The following MYO5B variants were observed in gnomAD, a reference collection of about 807,000 sequenced individuals.
MYO5B encodes the protein unconventional myosin-Vb.
A neutral mutation model predicts 229.3 loss-of-function variants in MYO5B; 143 were observed. That is an observed-to-expected ratio of 0.62 (90% confidence interval 0.54 to 0.72). The LOEUF (loss-of-function observed/expected upper bound fraction) is 0.72. MYO5B is among the 30% of genes least tolerant of loss of function. The pLI is 0.00. For missense variants in MYO5B, 2,321 were observed against 2,331.0 expected (o/e 1.00, Z 0.09); for synonymous variants, 918 against 885.2 (o/e 1.04, Z -0.66).
chr18:50,150,326 TTACTGGGTATATACCCAA>T (rs1335817737), intron 1 of MYO5B, among the ~76,000 whole-genome samples: 1 of 145,830 alleles, frequency 6.9e-6, no homozygotes, highest in African/African-American at 2.5e-5. Flanking sequence ...AGCCATCCCA[TTACTGGGTATATACCCAA>T]AGGACTATAA....
At chr18:50,017,217 A>C (rs990281084) in intron 4 of MYO5B, among the ~76,000 whole-genome samples, 14 of 152,198 alleles carry the variant, frequency 9.2e-5, no homozygotes, top group African/African-American at 3.1e-4. Flanking sequence ...TCCTGGGCTC[A>C]AGTGATTCTC....
intron 1 of MYO5B, among the ~76,000 whole-genome samples, chr18:50,129,177 A>G (rs1467228082): frequency 2.0e-5 from 3 of 152,220 alleles, no homozygotes; most frequent in Non-Finnish European, 4.4e-5. Flanking sequence ...GGGCCCAAGC[A>G]GGACTGTGGA....
chr18:50,167,751 G>T (rs1352474325), intron 1 of MYO5B, among the ~76,000 whole-genome samples: 1 of 152,124 alleles, frequency 6.6e-6, no homozygotes, highest in Non-Finnish European at 1.5e-5. Context: ...ATAGGCAAGA[G>T]ATTATCTCCT....
At chr18:50,167,087 A>C (rs1030543321) in intron 1 of MYO5B, among the ~76,000 whole-genome samples, 2 of 152,236 alleles carry the variant, frequency 1.3e-5, no homozygotes, top group African/African-American at 4.8e-5. Context: ...TCTTTTCAGC[A>C]ACTGCCCCTC....
intron 2 of MYO5B, among the ~76,000 whole-genome samples, chr18:50,050,279 T>C (rs2144408968): frequency 6.6e-6 from 1 of 152,308 alleles, no homozygotes; most frequent in African/African-American, 2.4e-5. Context: ...CTCTTAGCTC[T>C]CTGGTTTTGC....
chr18:50,030,876 G>GAAAAAAAAAAAA (rs869189090), intron 4 of MYO5B, among the ~76,000 whole-genome samples: 6 of 30,500 alleles, frequency 2.0e-4, no homozygotes, highest in Non-Finnish European at 2.9e-4. Flanking sequence ...CTCCCTTTCA[G>GAAAAAAAAAAAA]AAAAAAAAAA....
At chr18:49,976,813 G>A (rs1431509391) in intron 9 of MYO5B, among the ~76,000 whole-genome samples, 3 of 151,996 alleles carry the variant, frequency 2.0e-5, no homozygotes, top group Non-Finnish European at 4.4e-5. Context: ...TGTCTCCCCT[G>A]CTCCCCGACT....
At chr18:50,099,734 T>A (rs533656151) in intron 1 of MYO5B, among the ~76,000 whole-genome samples, 1 of 152,196 alleles carries the variant, frequency 6.6e-6, no homozygotes, top group Non-Finnish European at 1.5e-5. Flanking sequence ...CATCTTTACA[T>A]GAATTTGCAG....
intron 4 of MYO5B, among the ~76,000 whole-genome samples, chr18:50,030,830 T>C (rs1193764909): frequency 7.1e-6 from 1 of 140,640 alleles, no homozygotes; most frequent in Non-Finnish European, 1.5e-5. Context: ...TTACCTTGGT[T>C]ACCTGAGCAA....
chr18:49,936,953 C>A (rs762964026), intron 15 of MYO5B, among the ~76,000 whole-genome samples: 5 of 152,282 alleles, frequency 3.3e-5, no homozygotes, highest in East Asian at 3.9e-4. Context: ...ATTCCAGGCC[C>A]TCTTGCCTCC....
At chr18:49,948,055 G>A (rs1018584033) in intron 14 of MYO5B, among the ~76,000 whole-genome samples, 1 of 114,800 alleles carries the variant, frequency 8.7e-6, no homozygotes, top group Non-Finnish European at 1.9e-5. Context: ...AAAACTTAAA[G>A]TATAATAATA....
At chr18:50,042,131 A>G (rs1215748535) in intron 2 of MYO5B, among the ~76,000 whole-genome samples, 1 of 152,204 alleles carries the variant, frequency 6.6e-6, no homozygotes, top group African/African-American at 2.4e-5. Context: ...TTATCTCTGG[A>G]GGGCAGCAGG....
In MYO5B at chr18:49,905,128, CTG is replaced by C. The variant is rs540273500; in HGVS notation, c.2415-302_2415-301del. On this transcript the variant is annotated intron_variant, in intron 19 of 39. Transcript: ENST00000285039. ...CTTATCTGAGCACTCTTCTACCTCA[CTG>C]TGCCTGGGCAGTCCTCAACTACTTC... Among the ~76,000 whole-genome samples the C allele has an allele frequency of 9.2e-5, 14 of 152,332 alleles. No individual in the cohort carries two copies. In the East Asian group the frequency reaches 2.7e-3, roughly 29 times the overall value.
intron 1 of MYO5B, among the ~76,000 whole-genome samples, chr18:50,169,167 G>T (rs74800701): frequency 0.11 from 13,426 of 125,694 alleles, 3,788 homozygotes; most frequent in African/African-American, 0.21. Flanking sequence ...AAAAAAGCTA[G>T]ATGTGGCAGC....
rs115138627 is a variant in MYO5B, at chr18:49,916,775, G to A, written c.2091-4602C>T. On this transcript the variant is annotated intron_variant, in intron 17 of 39. Coordinates refer to ENST00000285039, the MANE Select transcript of MYO5B (RefSeq NM_001080467.3). ...CTGGGAAAAGGGCTGTAAAGATGTCGCTCCCCGAAGGACCCAGCATCAAAT... is the reference window on the plus strand; with the variant it reads ...CTGGGAAAAGGGCTGTAAAGATGTCACTCCCCGAAGGACCCAGCATCAAAT... Among the ~76,000 whole-genome samples the A allele has an allele frequency of 3.4e-3, 518 of 152,202 alleles. 7 individuals are homozygous for A. The highest frequency in any genetic ancestry group is 0.011 in the African/African-American group (460 of 41,536).
intron 8 of MYO5B, among the ~76,000 whole-genome samples, chr18:49,984,049 T>C (rs2025844331): frequency 6.6e-6 from 1 of 152,194 alleles, no homozygotes; most frequent in Non-Finnish European, 1.5e-5. Flanking sequence ...CTTTCCTTTT[T>C]CTGGATGCAG....
intron 28 of MYO5B, 29 bp downstream of exon 28, chr18:49,864,112 A>G (rs764738053): frequency 1.9e-6 from 3 of 1,603,086 alleles, no homozygotes; most frequent in Non-Finnish European, 2.5e-6. Context: ...ACCCCTCGGC[A>G]GCCCCACCGC....
At position 49,902,689 on chromosome 18, in the gene MYO5B, G is replaced by A. The variant is rs1333441779; in HGVS notation, c.2716C>T (p.Leu906Phe). 3 of 1,612,558 alleles carry A rather than the reference G, an allele frequency of 1.9e-6. No homozygotes were observed. Among genetic ancestry groups the A allele is most frequent in the East Asian group, 4.5e-5 (2 of 44,892 alleles). ...TCTGCTGAGCGGGCCTCAATCCTGA[G>A]GGCCTTCAGCTCCCGCCTGGCCTTG... is the stretch of plus-strand genomic sequence containing the variant. ...MLKARRELKA[L>F]RIEARSAEHL... The change falls in exon 21 of 40, where the codon CTC (leucine) becomes TTC (phenylalanine). Residue 906 changes from leucine to phenylalanine, a missense_variant. Physicochemically the swap from Leu to Phe is conservative, Grantham distance 22. Around this residue, in one of 2 missense-constraint regions of MYO5B, gnomAD observed 2,113 missense variants for 2,044.7 expected, o/e 1.03. Transcript: ENST00000285039.
intron 2 of MYO5B, among the ~76,000 whole-genome samples, chr18:50,050,701 C>T (rs116827850): frequency 0.016 from 2,433 of 152,288 alleles, 63 homozygotes; most frequent in African/African-American, 0.055. Flanking sequence ...TCCTGTGATT[C>T]TGAAATAAGA....
Sources: gnomAD v4.1 joint callset for allele counts (sites outside exome capture counted in the v4.1 genomes callset) on GRCh38, gnomAD v4.1.1 for gene constraint, gnomAD v4.1.1 regional missense constraint, MANE v1.5 for transcripts, NCBI Gene and HGNC (gene_info 2026-07-23, HGNC 2026-07-21) for gene names.